DPP6: variants seen among roughly 807,000 people sequenced by gnomAD.
DPP6 encodes dipeptidyl peptidase like 6, also known as A-type potassium channel modulatory protein DPP6.
A neutral mutation model predicts 122.6 loss-of-function variants in DPP6; 69 were observed. The observed-to-expected ratio is 0.56, with a 90% CI of 0.46 to 0.69. The LOEUF is 0.69. Among genes scored for constraint, DPP6 ranks in the 30% least tolerant of loss-of-function variants. The pLI is 0.00. For missense variants in DPP6, 928 were observed against 1,116.9 expected, an observed-to-expected ratio of 0.83 and a Z score of 2.41; for synonymous variants, 418 against 433.1, an observed-to-expected ratio of 0.97 and a Z score of 0.43.
At chr7:154,677,262 C>T (rs1348200020) in intron 7 of DPP6, among the ~76,000 whole-genome samples, 3 of 152,162 alleles carry the variant, frequency 2.0e-5, no homozygotes, top group South Asian at 2.1e-4. Context: ...AGCGAGAGAG[C>T]GTGAGCCTTC....
At chr7:154,807,179 A>C in intron 16 of DPP6, 67 bp downstream of exon 16, 1 of 1,579,354 alleles carries the variant, frequency 6.3e-7, no homozygotes, top group Admixed American at 1.7e-5. Flanking sequence ...GGGGGTGGGC[A>C]CACTTGCAGG....
chr7:154,068,091 A>G (rs997623836), intron 1 of DPP6, among the ~76,000 whole-genome samples: 7 of 152,020 alleles, frequency 4.6e-5, no homozygotes, highest in Admixed American at 3.9e-4. Context: ...AATGAAACGA[A>G]CAGAATTTGG....
chr7:154,849,271 A>G (rs973546396), intron 16 of DPP6, among the ~76,000 whole-genome samples: 1 of 152,212 alleles, frequency 6.6e-6, no homozygotes, highest in African/African-American at 2.4e-5. Context: ...TTTTGGTAGT[A>G]TGGACATTTT....
At chr7:153,866,522 T>G in the DPP6 span, among the ~76,000 whole-genome samples, 4 of 152,238 alleles carry the variant, frequency 2.6e-5, no homozygotes, top group South Asian at 2.1e-4. Flanking sequence ...TAAATTTGTT[T>G]GAGTTCATTG....
intron 1 of DPP6, among the ~76,000 whole-genome samples, chr7:154,214,645 G>A (rs1194302717): frequency 6.6e-6 from 1 of 152,204 alleles, no homozygotes; most frequent in African/African-American, 2.4e-5. Context: ...CACTGGGCAT[G>A]GTGGCTCACA....
At chr7:153,749,220 AG>A in the DPP6 span, among the ~76,000 whole-genome samples, 1 of 152,186 alleles carries the variant, frequency 6.6e-6, no homozygotes, top group East Asian at 1.9e-4. The surrounding 1 kb of genome is among the most constrained non-coding windows in gnomAD (Gnocchi z 4.1). Context: ...ACCCGCGGCC[AG>A]CAGCAGGGCT....
chr7:154,889,919 C>G, intron 25 of DPP6: 1 of 214,818 alleles, frequency 4.7e-6, no homozygotes, highest in South Asian at 9.7e-5. Context: ...CTGGTGGGCC[C>G]TGAGCCTTGC....
intron 1 of DPP6, among the ~76,000 whole-genome samples, chr7:154,044,293 G>A (rs1252069822): frequency 6.6e-6 from 1 of 152,084 alleles, no homozygotes; most frequent in Non-Finnish European, 1.5e-5. Flanking sequence ...TTCGGAAATG[G>A]GTATAGTGGT....
the DPP6 span, among the ~76,000 whole-genome samples, chr7:153,782,021 A>C: frequency 7.6e-6 from 1 of 131,966 alleles, no homozygotes; most frequent in African/African-American, 3.0e-5. Context: ...CCTGACATTT[A>C]ATATTGACTA....
At chr7:154,703,763 CG>C (rs1177170361) in intron 7 of DPP6, among the ~76,000 whole-genome samples, 1 of 151,990 alleles carries the variant, frequency 6.6e-6, no homozygotes, top group Non-Finnish European at 1.5e-5. Flanking sequence ...CGTGAAACCC[CG>C]TCTCTACTAA....
At chr7:153,909,812 A>G (rs1800003963) in intron 1 of DPP6, among the ~76,000 whole-genome samples, 1 of 152,146 alleles carries the variant, frequency 6.6e-6, no homozygotes, top group African/African-American at 2.4e-5. Flanking sequence ...CAGAGGGGAC[A>G]CAATTGTCAT....
chr7:154,516,042 TTC>T (rs1326839154), intron 3 of DPP6, among the ~76,000 whole-genome samples: 2 of 152,204 alleles, frequency 1.3e-5, no homozygotes. Context: ...CTGATTTCTT[TTC>T]TCTCTTTTTC....
chr7:154,362,140 G>A (rs1302435051), intron 1 of DPP6, among the ~76,000 whole-genome samples: 3 of 152,326 alleles, frequency 2.0e-5, no homozygotes, highest in Middle Eastern at 3.4e-3. Flanking sequence ...GTAACTCAGC[G>A]TCATCCTTTC....
intron 1 of DPP6, among the ~76,000 whole-genome samples, chr7:154,161,228 A>G (rs1466604263): frequency 6.6e-6 from 1 of 152,296 alleles, no homozygotes; most frequent in Non-Finnish European, 1.5e-5. Context: ...TGATAAGAAC[A>G]CATTACCTTT....
chr7:154,535,023 C>A (rs186658195), intron 3 of DPP6, among the ~76,000 whole-genome samples: 52 of 151,916 alleles, frequency 3.4e-4, no homozygotes, highest in Admixed American at 1.6e-3. Context: ...AGACACAGAT[C>A]AATGGAATGG....
intron 10 of DPP6, among the ~76,000 whole-genome samples, chr7:154,790,980 G>A (rs971394852): frequency 4.6e-5 from 7 of 152,108 alleles, no homozygotes; most frequent in African/African-American, 7.2e-5. Context: ...GGCTGGGCAC[G>A]GTGGTCCATG....
chr7:154,235,414 T>C (rs1801148005), intron 1 of DPP6, among the ~76,000 whole-genome samples: 1 of 148,368 alleles, frequency 6.7e-6, no homozygotes, highest in Admixed American at 6.7e-5. Context: ...CATAGGTTAG[T>C]ATCACCAGTG....
At chr7:154,629,700 C>T (rs1458562508) in intron 5 of DPP6, among the ~76,000 whole-genome samples, 1 of 152,176 alleles carries the variant, frequency 6.6e-6, no homozygotes, top group African/African-American at 2.4e-5. Flanking sequence ...AATGCATGCA[C>T]CCATTCCAGA....
intron 5 of DPP6, among the ~76,000 whole-genome samples, chr7:154,626,983 T>C (rs888917728): frequency 1.4e-5 from 2 of 147,450 alleles, no homozygotes; most frequent in African/African-American, 2.5e-5. Context: ...TTATCTGGGG[T>C]CCATTAGAAA....
Sources: allele counts gnomAD v4.1 joint callset (sites outside exome capture counted in the v4.1 genomes callset), GRCh38; gene constraint gnomAD v4.1.1; non-coding constraint Gnocchi (gnomAD v3.1); transcripts MANE v1.5; gene names NCBI Gene and HGNC (gene_info 2026-07-23, HGNC 2026-07-21).